The following SLC39A11 variants were observed in gnomAD, a reference collection of about 807,000 sequenced individuals.
The protein encoded by SLC39A11 is zinc transporter ZIP11.
In SLC39A11, 33 loss-of-function variants were observed where a neutral mutation model predicts 36.1. That is an observed-to-expected ratio of 0.91 (90% CI 0.69 to 1.22). The LOEUF (loss-of-function observed/expected upper bound fraction) is 1.22. SLC39A11 is among the 50% of genes most tolerant of loss of function. The pLI is 0.00. For missense variants in SLC39A11, 432 were observed against 430.3 expected (o/e 1.00, Z -0.03); for synonymous variants, 166 against 170.3 (o/e 0.97, Z 0.20).
chr17:73,024,098 A>C (rs1203716669), intron 4 of SLC39A11, among the ~76,000 whole-genome samples: 1 of 152,234 alleles, frequency 6.6e-6, no homozygotes, highest in Non-Finnish European at 1.5e-5. Context: ...ATGTGTAGAC[A>C]GTGAAGTAAA....
chr17:72,653,524 C>A (rs2069964097), intron 7 of SLC39A11, among the ~76,000 whole-genome samples: 2 of 150,886 alleles, frequency 1.3e-5, no homozygotes, highest in South Asian at 4.2e-4. Context: ...ACTGCAACCT[C>A]CGCCTCATGG....
chr17:73,020,468 A>AT (rs2058304385), intron 4 of SLC39A11, among the ~76,000 whole-genome samples: 3 of 152,034 alleles, frequency 2.0e-5, no homozygotes, highest in African/African-American at 7.2e-5. Context: ...AGACTTCAGT[A>AT]TTTTTTTATG....
intron 3 of SLC39A11, among the ~76,000 whole-genome samples, chr17:73,075,083 T>C (rs948534022): frequency 6.6e-6 from 1 of 152,228 alleles, no homozygotes; most frequent in Non-Finnish European, 1.5e-5. Context: ...AGATGTCTTT[T>C]GGGACAATGA....
chr17:72,696,462 T>C (rs1265464763), intron 7 of SLC39A11, among the ~76,000 whole-genome samples: 1 of 152,140 alleles, frequency 6.6e-6, no homozygotes, highest in African/African-American at 2.4e-5. Context: ...GGTAAGTGAC[T>C]CTTCCATGTT....
intron 6 of SLC39A11, among the ~76,000 whole-genome samples, chr17:72,782,563 G>C (rs2076353781): frequency 6.6e-6 from 1 of 151,884 alleles, no homozygotes; most frequent in East Asian, 1.9e-4. Context: ...GTGGCGTACA[G>C]TTATAATCCC....
chr17:72,837,633 C>T (rs995124171), intron 6 of SLC39A11, among the ~76,000 whole-genome samples: 10 of 152,134 alleles, frequency 6.6e-5, no homozygotes, highest in Non-Finnish European at 1.3e-4. Flanking sequence ...AAAGTAAAAA[C>T]AATCCAAATG....
intron 6 of SLC39A11, among the ~76,000 whole-genome samples, chr17:72,750,492 A>C (rs1478934343): frequency 1.6e-5 from 2 of 123,346 alleles, no homozygotes; most frequent in Non-Finnish European, 3.4e-5. Flanking sequence ...GGGCCTAAAA[A>C]AACTGGAGGA....
intron 3 of SLC39A11, among the ~76,000 whole-genome samples, chr17:73,076,855 TACA>T (rs1279396907): frequency 6.6e-6 from 1 of 151,374 alleles, no homozygotes; most frequent in Non-Finnish European, 1.5e-5. Context: ...CTCTGGCTGA[TACA>T]ACAAATTCTC....
chr17:72,810,987 C>T (rs2077418872), intron 6 of SLC39A11, among the ~76,000 whole-genome samples: 1 of 151,948 alleles, frequency 6.6e-6, no homozygotes, highest in African/African-American at 2.4e-5. Context: ...AGCCACCATG[C>T]CTGGCCCGTA....
In SLC39A11 at chr17:72,648,873, C is replaced by T. The variant is rs141628946; in HGVS notation, c.859G>A (p.Ala287Thr). ...VVLAEPILPY[A>T]LAFAAGAMVY... ...ATGGCACCGGCAGCAAAGGCCAGAGCGTAGGGCAGGATGGGCTCAGCCAGC... is the reference window on the plus strand; with the variant it reads ...ATGGCACCGGCAGCAAAGGCCAGAGTGTAGGGCAGGATGGGCTCAGCCAGC... Residue 287 changes from alanine (A) to threonine (T), a missense_variant, in exon 9 of 10, where the codon GCT becomes ACT. By Grantham distance (58) the Ala-to-Thr change is moderately conservative. Coordinates refer to ENST00000255559, the MANE Select transcript of SLC39A11 (RefSeq NM_139177.4). The T allele has an allele frequency of 2.7e-4, 432 of 1,614,140 alleles. No homozygotes were observed. Among genetic ancestry groups the T allele is most frequent in the Non-Finnish European group, 3.1e-4 (365 of 1,180,022 alleles).
chr17:72,813,872 C>T (rs2077504796), intron 6 of SLC39A11, among the ~76,000 whole-genome samples: 1 of 152,188 alleles, frequency 6.6e-6, no homozygotes, highest in Non-Finnish European at 1.5e-5. Flanking sequence ...TAGAGTCTAC[C>T]TCCGTAAGAG....
chr17:72,897,739 C>T (rs1243788627), intron 5 of SLC39A11, among the ~76,000 whole-genome samples: 1 of 152,160 alleles, frequency 6.6e-6, no homozygotes, highest in Non-Finnish European at 1.5e-5. Context: ...ACCTGCATGC[C>T]TGTGCCTATT....
intron 6 of SLC39A11, among the ~76,000 whole-genome samples, chr17:72,762,542 G>A (rs1453869998): frequency 6.6e-6 from 1 of 152,100 alleles, no homozygotes; most frequent in Non-Finnish European, 1.5e-5. Flanking sequence ...CCATAAAAAT[G>A]GGCAACCAGC....
chr17:72,900,854 A>G (rs1267705351), intron 5 of SLC39A11, among the ~76,000 whole-genome samples: 1 of 152,200 alleles, frequency 6.6e-6, no homozygotes, highest in Non-Finnish European at 1.5e-5. Context: ...AGAGTTCAGC[A>G]TCTCACAGGC....
chr17:72,749,377 C>A lies in SLC39A11; in HGVS notation c.602-12658G>T, dbSNP rs561318230. ...CTCTCCCTACGTCCAAAGTCCACGG[C>A]AGGCAGGGAAGTGTCTGGATCTGAC... is the stretch of plus-strand genomic sequence containing the variant. On this transcript the variant is annotated intron_variant, in intron 6 of 9. Coordinates refer to ENST00000255559, the MANE Select transcript of SLC39A11 (RefSeq NM_139177.4). Among the ~76,000 whole-genome samples, 120 of 152,306 alleles carry A rather than the reference C, an allele frequency of 7.9e-4. 3 individuals carry two copies. The South Asian group carries it at 0.013, about 16-fold the overall frequency.
intron 6 of SLC39A11, among the ~76,000 whole-genome samples, chr17:72,790,635 G>A (rs554978064): frequency 1.3e-3 from 194 of 151,816 alleles, no homozygotes; most frequent in African/African-American, 4.3e-3. Context: ...GGGTTCAAGC[G>A]ATTCTCCTGC....
intron 4 of SLC39A11, among the ~76,000 whole-genome samples, chr17:73,025,094 A>G (rs543511097): frequency 6.6e-6 from 1 of 152,206 alleles, no homozygotes; most frequent in East Asian, 1.9e-4. Context: ...TGCCATCACA[A>G]TGAGAACTAA....
intron 7 of SLC39A11, among the ~76,000 whole-genome samples, chr17:72,700,300 T>C (rs2072549704): frequency 6.6e-6 from 1 of 152,254 alleles, no homozygotes; most frequent in Non-Finnish European, 1.5e-5. Flanking sequence ...GAGCGGTCAT[T>C]TTAAATCTCA....
At chr17:72,924,506 C>CTATGGTGT (rs2083915004) in intron 5 of SLC39A11, among the ~76,000 whole-genome samples, 1 of 152,058 alleles carries the variant, frequency 6.6e-6, no homozygotes, top group Non-Finnish European at 1.5e-5. Flanking sequence ...TGAATGATAT[C>CTATGGTGT]CCCAAAAGAG....
Sources: allele counts gnomAD v4.1 joint callset (sites outside exome capture counted in the v4.1 genomes callset), GRCh38; gene constraint gnomAD v4.1.1; transcripts MANE v1.5; gene names NCBI Gene and HGNC (gene_info 2026-07-23, HGNC 2026-07-21).